ST18: variants seen among roughly 807,000 people sequenced by gnomAD.
ST18 encodes the protein ST18 C2H2C-type zinc finger transcription factor.
A neutral mutation model predicts 110.0 loss-of-function variants in ST18; 50 were observed. The ratio of observed to expected loss-of-function variants is 0.45; its 90% confidence interval spans 0.36 to 0.58. The LOEUF (loss-of-function observed/expected upper bound fraction) is 0.58. Among genes scored for constraint, ST18 ranks in the 20% least tolerant of loss-of-function variants. The pLI is 0.00. For missense variants in ST18, 1,306 were observed against 1,280.1 expected, an observed-to-expected ratio of 1.02 and a Z score of -0.31; for synonymous variants, 461 against 452.4, an observed-to-expected ratio of 1.02 and a Z score of -0.24.
At chr8:52,252,919 C>G (rs1030737381) in intron 2 of ST18, among the ~76,000 whole-genome samples, 37 of 151,964 alleles carry the variant, frequency 2.4e-4, no homozygotes, top group Admixed American at 1.4e-3. Context: ...GTTAGGGAAG[C>G]CTAATTTTAG....
At chr8:52,337,594 C>A (rs911421952) in intron 2 of ST18, among the ~76,000 whole-genome samples, 1 of 152,190 alleles carries the variant, frequency 6.6e-6, no homozygotes, top group Non-Finnish European at 1.5e-5. Flanking sequence ...CAGGGAAATA[C>A]CTCAGATGAG....
intron 2 of ST18, among the ~76,000 whole-genome samples, chr8:52,367,905 A>G (rs1828772025): frequency 6.6e-6 from 1 of 152,188 alleles, no homozygotes; most frequent in Non-Finnish European, 1.5e-5. Flanking sequence ...CCTTTTAAGT[A>G]TTTTGATTGA....
At chr8:52,245,588 C>A (rs1656546568) in intron 2 of ST18, among the ~76,000 whole-genome samples, 2 of 152,042 alleles carry the variant, frequency 1.3e-5, no homozygotes, top group Admixed American at 1.3e-4. Context: ...CAAAAATTTT[C>A]ATTCTAATTT....
At chr8:52,226,364 C>T (rs952192827) in intron 3 of ST18, among the ~76,000 whole-genome samples, 3 of 152,130 alleles carry the variant, frequency 2.0e-5, no homozygotes, top group Non-Finnish European at 2.9e-5. Flanking sequence ...GAGCAAAAAA[C>T]GCATCTCATG....
chr8:52,396,487 G>A (rs1199599618), intron 2 of ST18, among the ~76,000 whole-genome samples: 1 of 152,094 alleles, frequency 6.6e-6, no homozygotes, highest in Non-Finnish European at 1.5e-5. Context: ...GTATTAGTCC[G>A]TTCTCACACT....
intron 2 of ST18, chr8:52,404,223 G>T (rs1843693998): frequency 6.6e-6 from 1 of 152,158 alleles, no homozygotes; most frequent in Non-Finnish European, 1.5e-5. Context: ...AAAAAGATTG[G>T]ATTAGCTTTC....
intron 2 of ST18, among the ~76,000 whole-genome samples, chr8:52,234,728 G>GGTGTGTGTGTGTGTGTGTGTGT (rs3054614): frequency 1.4e-5 from 2 of 145,612 alleles, no homozygotes; most frequent in South Asian, 2.2e-4. Context: ...AAGAAACTAT[G>GGTGTGTGTGTGTGTGTGTGTGT]GTGTGTGTGT....
chr8:52,319,753 G>A (rs1185331660), intron 2 of ST18, among the ~76,000 whole-genome samples: 1 of 152,154 alleles, frequency 6.6e-6, no homozygotes, highest in Non-Finnish European at 1.5e-5. Context: ...GATGTGAACT[G>A]GGGCAACCTC....
chr8:52,155,443 G>T (rs1396487693), intron 15 of ST18, among the ~76,000 whole-genome samples: 1 of 152,098 alleles, frequency 6.6e-6, no homozygotes, highest in Non-Finnish European at 1.5e-5. Flanking sequence ...GGGACATAAT[G>T]GGCTCTGGTT....
At chr8:52,226,012 G>A (rs1456283491) in intron 3 of ST18, among the ~76,000 whole-genome samples, 2 of 152,220 alleles carry the variant, frequency 1.3e-5, no homozygotes, top group Non-Finnish European at 2.9e-5. Context: ...AGCTGAAGGT[G>A]AGATACTAGA....
rs529604365 is a variant in ST18, at chr8:52,127,085, T to A, written c.2667-945A>T. Among the ~76,000 whole-genome samples the A allele has an allele frequency of 2.6e-5, 4 of 152,320 alleles. No homozygotes were observed. The South Asian group carries it at 8.3e-4, about 32-fold the overall frequency. The stretch of plus-strand genomic sequence containing the variant: ...TTTTCTGCAGAAAGTTAGTTACAAC[T>A]CATCTGTAAAGAAATCATTTCACTC... On this transcript the variant is annotated intron_variant, in intron 22 of 25. Coordinates refer to ENST00000689386, the MANE Select transcript of ST18 (RefSeq NM_001352837.2).
intron 15 of ST18, among the ~76,000 whole-genome samples, chr8:52,152,053 C>T (rs1379116138): frequency 2.0e-5 from 3 of 152,156 alleles, no homozygotes; most frequent in Non-Finnish European, 2.9e-5. Flanking sequence ...TTATACATTT[C>T]GAGTCAATTA....
intron 2 of ST18, among the ~76,000 whole-genome samples, chr8:52,306,651 A>G (rs1449654334): frequency 1.3e-5 from 2 of 152,210 alleles, no homozygotes; most frequent in Non-Finnish European, 2.9e-5. Context: ...AATAGCAGAA[A>G]AAGAGTCAGG....
chr8:52,389,181 T>C (rs1253629497), intron 2 of ST18, among the ~76,000 whole-genome samples: 1 of 152,006 alleles, frequency 6.6e-6, no homozygotes, highest in Non-Finnish European at 1.5e-5. Flanking sequence ...AGCGCGAAAG[T>C]CGCCTTTGGA....
chr8:52,402,165 G>A (rs1231644412), intron 2 of ST18, among the ~76,000 whole-genome samples: 2 of 152,116 alleles, frequency 1.3e-5, no homozygotes. Context: ...GGCATTAGGG[G>A]TTCTCCTGTT....
In ST18 at chr8:52,320,956, T is replaced by C. The variant is rs28558633; in HGVS notation, c.-465+88372A>G. On this transcript the variant is annotated intron_variant, in intron 2 of 25. Coordinates refer to ENST00000689386, the MANE Select transcript of ST18 (RefSeq NM_001352837.2). ...GATATAATAGGGTAGATTCATACCATGAAATGTAGTTAAAATATTTGGCTA... is the reference window on the plus strand; with the variant it reads ...GATATAATAGGGTAGATTCATACCACGAAATGTAGTTAAAATATTTGGCTA... Among the ~76,000 whole-genome samples, 939 of 152,320 alleles carry C rather than the reference T, an allele frequency of 6.2e-3. 14 individuals are homozygous for C. The highest frequency in any genetic ancestry group is 0.021 in the African/African-American group (876 of 41,562).
At chr8:52,312,771 A>G (rs1339908654) in intron 2 of ST18, among the ~76,000 whole-genome samples, 1 of 152,172 alleles carries the variant, frequency 6.6e-6, no homozygotes, top group Non-Finnish European at 1.5e-5. Context: ...ACCTGGAGAA[A>G]AACACAGCTC....
At chr8:52,256,027 A>C (rs532865276) in intron 2 of ST18, among the ~76,000 whole-genome samples, 1 of 152,340 alleles carries the variant, frequency 6.6e-6, no homozygotes, top group South Asian at 2.1e-4. Context: ...AACAGGAAGC[A>C]CAGGAGAGGG....
At chr8:52,309,319 G>T (rs1431282068) in intron 2 of ST18, among the ~76,000 whole-genome samples, 2 of 152,096 alleles carry the variant, frequency 1.3e-5, no homozygotes, top group Non-Finnish European at 2.9e-5. Flanking sequence ...TCAGGATTTC[G>T]AGACCAGCCT....
Sources: allele counts gnomAD v4.1 joint callset (sites outside exome capture counted in the v4.1 genomes callset), GRCh38; gene constraint gnomAD v4.1.1; transcripts MANE v1.5; gene names NCBI Gene and HGNC (gene_info 2026-07-23, HGNC 2026-07-21).